The following HPF1 variants were observed in gnomAD, a reference collection of about 807,000 sequenced individuals.
The protein encoded by HPF1 is histone PARylation factor 1, also known as UPF0609 protein C4orf27.
Under a neutral mutation model 38.8 loss-of-function variants are expected in HPF1, and 35 were observed. The ratio of observed to expected loss-of-function variants is 0.90; its 90% CI spans 0.69 to 1.19. HPF1 has a LOEUF of 1.19. Among genes scored for constraint, HPF1 ranks in the 50% most tolerant of loss-of-function variants. The probability of loss-of-function intolerance (pLI) is 0.00; values close to 1 mark genes in which losing one functional copy is unlikely to be tolerated. For synonymous variants in HPF1, 115 were observed against 139.2 expected (o/e 0.83, Z 1.22); for missense variants, 367 against 405.8 (o/e 0.90, Z 0.82).
intron 5 of HPF1, among the ~76,000 whole-genome samples, chr4:169,738,141 C>A (rs772749511): frequency 2.6e-5 from 4 of 152,164 alleles, no homozygotes; most frequent in Non-Finnish European, 2.9e-5. Flanking sequence ...AGAAATAGTT[C>A]TTGTCAGCAA....
intron 4 of HPF1, among the ~76,000 whole-genome samples, chr4:169,743,613 T>G (rs1344076942): frequency 2.0e-5 from 3 of 151,970 alleles, no homozygotes; most frequent in Non-Finnish European, 4.4e-5. Flanking sequence ...ATATATCATG[T>G]TAATGCCACT....
intron 6 of HPF1, chr4:169,732,090 G>T: frequency 5.1e-6 from 2 of 393,228 alleles, no homozygotes; most frequent in African/African-American, 2.2e-5. Context: ...AGGTTAACAA[G>T]TATTTCTTTA....
intron 1 of HPF1, among the ~76,000 whole-genome samples, chr4:169,757,022 GA>G (rs1734196504): frequency 6.6e-6 from 1 of 152,166 alleles, no homozygotes; most frequent in Non-Finnish European, 1.5e-5. Flanking sequence ...TCCGATTTAT[GA>G]CACTACCAGA....
intron 1 of HPF1, among the ~76,000 whole-genome samples, chr4:169,755,594 G>A (rs1376951511): frequency 3.9e-5 from 6 of 152,084 alleles, no homozygotes; most frequent in East Asian, 1.9e-4. Flanking sequence ...ACCAATCTCC[G>A]TCATTTACCG....
At chr4:169,747,805 C>T (rs72696700) in intron 4 of HPF1, among the ~76,000 whole-genome samples, 2,121 of 152,310 alleles carry the variant, frequency 0.014, 45 homozygotes, top group African/African-American at 0.047. Context: ...TGTGCTTCCA[C>T]GATCTCCATC....
intron 2 of HPF1, among the ~76,000 whole-genome samples, chr4:169,751,402 CA>C (rs55661737): frequency 3.7e-3 from 265 of 71,132 alleles, no homozygotes; most frequent in East Asian, 6.5e-3. Context: ...GGCTCTGTCT[CA>C]AAAAAAAAAA....
chr4:169,741,535 T>C (rs1188227467), intron 5 of HPF1, among the ~76,000 whole-genome samples: 1 of 152,130 alleles, frequency 6.6e-6, no homozygotes, highest in South Asian at 2.1e-4. Context: ...TTAGGAGAGA[T>C]GCAAAAGGAA....
At chr4:169,753,856 T>C (rs756492279) in intron 1 of HPF1, 21 bp from the exon 2 acceptor site, 2 of 1,594,770 alleles carry the variant, frequency 1.3e-6, no homozygotes, top group Admixed American at 1.8e-5. Flanking sequence ...GCACACAAAC[T>C]TTAGTTCTCC....
chr4:169,735,769 G>A (rs1303182098), intron 6 of HPF1, among the ~76,000 whole-genome samples: 9 of 152,048 alleles, frequency 5.9e-5, no homozygotes, highest in Admixed American at 5.2e-4. Context: ...GCAGAAGACT[G>A]ACCAGTAGCT....
At chr4:169,754,983 T>C (rs1339750428) in intron 1 of HPF1, among the ~76,000 whole-genome samples, 4 of 152,136 alleles carry the variant, frequency 2.6e-5, no homozygotes, top group Non-Finnish European at 5.9e-5. Flanking sequence ...GTTTGTTACA[T>C]ATGTATACAT....
rs1361724206 is a variant in HPF1 at position 169,731,852 on chromosome 4, G to A, written c.761C>T (p.Thr254Ile). 3.1e-6 allele frequency: 5 copies of A among 1,613,152 alleles called. No individual in the cohort carries two copies. The highest frequency in any genetic ancestry group is 4.2e-6 in the Non-Finnish European group (5 of 1,179,368). The change falls in exon 7 of 8, where the codon ACA becomes ATA. Residue 254 changes from threonine (T) to isoleucine (I), a missense_variant. Thr to Ile is a moderately conservative substitution (Grantham distance 89). Coordinates refer to ENST00000393381, the MANE Select transcript of HPF1 (RefSeq NM_017867.3). ...TDADLKRICKTIVEAASDEER... is the reference protein window; with the variant it reads ...TDADLKRICKIIVEAASDEER... Reference sequence around the variant, plus strand: ...CTCATCACTTGCAGCCTCAACTATTGTCTTGCAAATTCTCTTGAGGTCAGC... The same window carrying A: ...CTCATCACTTGCAGCCTCAACTATTATCTTGCAAATTCTCTTGAGGTCAGC...
intron 1 of HPF1, among the ~76,000 whole-genome samples, chr4:169,754,308 C>A (rs748439066): frequency 3.3e-5 from 5 of 152,072 alleles, no homozygotes; most frequent in Non-Finnish European, 5.9e-5. Flanking sequence ...CAATCATTAC[C>A]CAGCCTTAAA....
chr4:169,751,422 A>T (rs1319322273), intron 2 of HPF1, among the ~76,000 whole-genome samples: 3 of 150,598 alleles, frequency 2.0e-5, no homozygotes, highest in Non-Finnish European at 4.4e-5. Context: ...AAAAAAAAAA[A>T]GGTAAAAAAC....
rs1581311599 is a variant in HPF1, at chr4:169,732,099, T to C, written c.737-223A>G. On this transcript the variant is annotated intron_variant, in intron 6 of 7. Coordinates refer to ENST00000393381, the MANE Select transcript of HPF1 (RefSeq NM_017867.3). ...AAAAACAGGTTAACAAGTATTTCTT[T>C]ATTAACGACTATTTCACAGGATTTA... 6 of 441,156 alleles carry C rather than the reference T, an allele frequency of 1.4e-5. No homozygotes were observed. In the East Asian group the frequency reaches 2.4e-4, roughly 18 times the overall value. 27.3% of individuals were successfully genotyped at this position (441,156 alleles called of 1,614,324 possible). A position where few individuals can be genotyped will look rare whatever the true frequency, so the allele number is the denominator to read the frequency against.
Position 169,746,879 on chromosome 4 carries a change from GCAT to G in HPF1, c.497+1862_497+1864del, listed in dbSNP as rs1269527338. On this transcript the variant is annotated intron_variant, in intron 4 of 7. Coordinates refer to ENST00000393381, the MANE Select transcript of HPF1 (RefSeq NM_017867.3). ...CACCTAAGTTATAAATATCACCCAT[GCAT>G]TTTTTTTTTCTTTTTCATTGTCTAT... is the stretch of plus-strand genomic sequence containing the variant. 2.9e-4 allele frequency among the ~76,000 whole-genome samples: 40 copies of G among 136,200 alleles called. 1 individual carries two copies. Among genetic ancestry groups the G allele is most frequent in the Admixed American group, 2.6e-3 (34 of 13,014 alleles). 89.4% of individuals were successfully genotyped at this position (136,200 alleles called of 152,430 possible).
At chr4:169,736,937 T>C (rs1313466826) in intron 6 of HPF1, among the ~76,000 whole-genome samples, 1 of 152,208 alleles carries the variant, frequency 6.6e-6, no homozygotes, top group Non-Finnish European at 1.5e-5. Flanking sequence ...TACTTACAGA[T>C]GACGTAGTTC....
intron 3 of HPF1, among the ~76,000 whole-genome samples, chr4:169,750,044 T>A (rs1014625696): frequency 2.0e-5 from 3 of 152,228 alleles, no homozygotes; most frequent in Admixed American, 2.0e-4. Flanking sequence ...GTTTCTCTAT[T>A]TCTAAGTATT....
At chr4:169,748,932 A>T in intron 3 of HPF1, 90 bp from the exon 4 acceptor site, 1 of 630,390 alleles carries the variant, frequency 1.6e-6, no homozygotes, top group South Asian at 2.0e-5. Context: ...AACAATTTAC[A>T]CCTATTTTTT....
At chr4:169,735,585 G>T (rs935406347) in intron 6 of HPF1, among the ~76,000 whole-genome samples, 1 of 152,106 alleles carries the variant, frequency 6.6e-6, no homozygotes, top group Admixed American at 6.5e-5. Flanking sequence ...CTACCGCAGG[G>T]TAACAGGCTT....
Sources: allele counts gnomAD v4.1 joint callset (sites outside exome capture counted in the v4.1 genomes callset), GRCh38; gene constraint gnomAD v4.1.1; transcripts MANE v1.5; gene names NCBI Gene and HGNC (gene_info 2026-07-23, HGNC 2026-07-21).